The following WNK1 variants were observed in gnomAD, a reference collection of about 807,000 sequenced individuals.
WNK1 encodes the protein serine/threonine-protein kinase WNK1.
Under a neutral mutation model 222.8 loss-of-function variants are expected in WNK1, and 38 were observed. The observed-to-expected ratio is 0.17, with a 90% CI of 0.13 to 0.22. WNK1 has a LOEUF of 0.22. Ranked by LOEUF, WNK1 falls within the 10% of genes least tolerant of loss-of-function variation. The pLI, the probability that WNK1 is intolerant of heterozygous loss-of-function variation, is 1.00. For synonymous variants in WNK1, 1,090 were observed against 1,092.9 expected (o/e 1.00, Z 0.05); for missense variants, 2,348 against 2,918.4 (o/e 0.80, Z 4.50).
intron 2 of WNK1, among the ~76,000 whole-genome samples, chr12:818,257 A>G (rs1270782651): frequency 6.6e-6 from 1 of 152,168 alleles, no homozygotes; most frequent in Non-Finnish European, 1.5e-5. Context: ...AATTAAAAAG[A>G]AATTTTCAGT....
intron 1 of WNK1, among the ~76,000 whole-genome samples, chr12:813,335 C>A (rs1460410896): frequency 6.6e-6 from 1 of 152,170 alleles, no homozygotes. Context: ...TCTTTGCCTC[C>A]AAAGCCTATG....
rs1555164556 is a variant in WNK1, at chr12:908,776, A to G, written c.7133A>G (p.Asn2378Ser). 14 of 1,375,320 alleles carry G rather than the reference A, an allele frequency of 1.0e-5. No homozygotes were observed. Among genetic ancestry groups the G allele is most frequent in the Non-Finnish European group, 1.4e-5 (14 of 1,034,206 alleles). 85.2% of individuals were successfully genotyped at this position (1,375,320 alleles called of 1,614,324 possible). Residue 2378 changes from asparagine to serine, a missense_variant, in exon 28 of 28, where the codon AAC becomes AGC. Physicochemically the swap from Asn to Ser is conservative, Grantham distance 46 (BLOSUM62 1). Transcript: ENST00000315939. The part of the protein sequence containing the change: ...QKSISNPPGS[N>S]LRTT ...TCCATCAGCAACCCCCCAGGCTCCA[A>G]CCTGCGGACCACTTAGACCTAGAGA...
At chr12:841,631 C>CA (rs1193244796) in intron 4 of WNK1, among the ~76,000 whole-genome samples, 4 of 152,060 alleles carry the variant, frequency 2.6e-5, no homozygotes, top group African/African-American at 9.7e-5. Flanking sequence ...GCTGCTATAT[C>CA]AAAAATGCCA....
chr12:885,077 T>C lies in WNK1; in HGVS notation c.4273T>C (p.Ser1425Pro). The change falls in exon 19 of 28, where the codon TCT becomes CCT. Residue 1425 changes from serine to proline, a missense_variant. By Grantham distance (74) the Ser-to-Pro change is moderately conservative (BLOSUM62 -1). Coordinates refer to ENST00000315939, the MANE Select transcript of WNK1 (RefSeq NM_018979.4). ...SITIPAVVSISTTSPSLQVPT... is the reference protein window; with the variant it reads ...SITIPAVVSIPTTSPSLQVPT... ...CACAATACCTGCAGTTGTCTCAATA[T>C]CTACTACATCCCCGTCACTTCAAGT... The C allele has an allele frequency of 6.2e-7, 1 of 1,614,214 alleles. No homozygotes were observed. Among genetic ancestry groups the C allele is most frequent in the Non-Finnish European group, 8.5e-7 (1 of 1,180,030 alleles).
intron 19 of WNK1, 128 bp downstream of exon 19, chr12:886,212 A>C (rs7975948): frequency 1.2e-6 from 1 of 857,374 alleles, no homozygotes; most frequent in African/African-American, 1.7e-5. Context: ...TATAGTATTT[A>C]TTAAATTGAC....
chr12:882,001 G>A lies in WNK1; in HGVS notation c.3300G>A (p.Arg1100=). The change falls in exon 14 of 28, where the codon CGG becomes CGA. Residue 1100 remains arginine, a synonymous_variant. Coordinates refer to ENST00000315939, the MANE Select transcript of WNK1 (RefSeq NM_018979.4). ...SGRHEGRTTK[R]HYRKSVRSRS... is the part of the protein sequence containing the mutation. ...GGCATGAAGGAAGAACTACAAAACGGCATTACCGAAAATCTGTAAGGAGTC... is the reference window on the plus strand; with the variant it reads ...GGCATGAAGGAAGAACTACAAAACGACATTACCGAAAATCTGTAAGGAGTC... The A allele has an allele frequency of 6.2e-7, 1 of 1,614,094 alleles. No individual in the cohort carries two copies.
Position 881,805 on chromosome 12 carries a change from ATTCTCCTTCCTT to A in WNK1, c.3209+17_3209+28del. 6.2e-7 allele frequency: 1 copy of A among 1,614,068 alleles called. No homozygotes were observed. Among genetic ancestry groups the A allele is most frequent in the Non-Finnish European group, 8.5e-7 (1 of 1,179,908 alleles). ...CTGTAGACAGGTACGTAAAACTAGA[ATTCTCCTTCCTT>A]GACTGGTAAATAAGACGGTATGAAA... On this transcript the variant is annotated intron_variant, in intron 13 of 27. Coordinates refer to ENST00000315939, the MANE Select transcript of WNK1 (RefSeq NM_018979.4).
chr12:882,404 G>C (rs1953253241), intron 14 of WNK1, among the ~76,000 whole-genome samples: 3 of 151,870 alleles, frequency 2.0e-5, no homozygotes, highest in Admixed American at 2.0e-4. Context: ...TCACCATATT[G>C]GTCAGGCTGG....
rs891722038 is a variant in WNK1, at chr12:867,968, C to T, written c.2140-3297C>T. On this transcript the variant is annotated intron_variant, in intron 8 of 27. Transcript: ENST00000315939. ...ACGTCCAGTTTCTTTTTCACCACCT[C>T]CCACCTGCCCACCGAAAGTAGCCAT... The T allele has an allele frequency of 6.2e-7, 1 of 1,613,902 alleles. No individual in the cohort carries two copies. The highest frequency in any genetic ancestry group is 8.5e-7 in the Non-Finnish European group (1 of 1,179,896).
At chr12:782,904 T>C (rs1457150308) in intron 1 of WNK1, among the ~76,000 whole-genome samples, 11 of 150,598 alleles carry the variant, frequency 7.3e-5, no homozygotes, top group Admixed American at 7.3e-4. Context: ...CATAGTTTCT[T>C]TTTTTTTTTC....
intron 9 of WNK1, among the ~76,000 whole-genome samples, chr12:873,169 T>G (rs973804638): frequency 1.7e-4 from 26 of 152,370 alleles, no homozygotes; most frequent in African/African-American, 6.3e-4. Flanking sequence ...ACCAATGAAC[T>G]GAGCAAATTG....
intron 4 of WNK1, among the ~76,000 whole-genome samples, chr12:831,953 T>C (rs1433467063): frequency 6.6e-6 from 1 of 152,212 alleles, no homozygotes. Flanking sequence ...GCTCATAGTA[T>C]CTCATTATTT....
chr12:826,356 G>A (rs1948360937), intron 2 of WNK1, among the ~76,000 whole-genome samples: 1 of 152,222 alleles, frequency 6.6e-6, no homozygotes, highest in Admixed American at 6.5e-5. Flanking sequence ...AGACAGCACT[G>A]TTCTTGATGC....
chr12:828,143 C>CA (rs71051393), intron 3 of WNK1, among the ~76,000 whole-genome samples: 21,812 of 137,358 alleles, frequency 0.16, 1,951 homozygotes, highest in Middle Eastern at 0.23. Flanking sequence ...ATTAAAAATA[C>CA]AAAAAAAAAA....
intron 2 of WNK1, among the ~76,000 whole-genome samples, chr12:814,610 C>T (rs1034266236): frequency 3.3e-5 from 5 of 152,070 alleles, no homozygotes; most frequent in African/African-American, 1.2e-4. Flanking sequence ...TTTCCCGTTA[C>T]TTATTGTAAA....
chr12:814,185 C>T (rs1039823062), intron 2 of WNK1, among the ~76,000 whole-genome samples: 2 of 151,962 alleles, frequency 1.3e-5, no homozygotes, highest in Non-Finnish European at 2.9e-5. Flanking sequence ...AAAAATTAGC[C>T]GGGCATGGTG....
At chr12:869,202 A>G (rs769623900) in intron 8 of WNK1, 1 of 1,512,380 alleles carries the variant, frequency 6.6e-7, no homozygotes, top group African/African-American at 1.4e-5. Context: ...TGGATTTTGG[A>G]GAAATATTGT....
chr12:874,166 A>G (rs917045600), intron 9 of WNK1, among the ~76,000 whole-genome samples: 1 of 151,992 alleles, frequency 6.6e-6, no homozygotes, highest in Admixed American at 6.6e-5. Context: ...AAAAAAAAAA[A>G]GCACCGAAGT....
chr12:879,559 C>G lies in WNK1; in HGVS notation c.2374-14C>G. 2.2e-4 allele frequency: 114 copies of G among 509,358 alleles called. No homozygotes were observed. The highest frequency in any genetic ancestry group is 4.1e-4 in the African/African-American group (7 of 17,162). The allele number at this position is 509,358 out of a possible 1,614,324, so 31.6% of individuals were successfully genotyped here. A position where few individuals can be genotyped will look rare whatever the true frequency, so the allele number is the denominator to read the frequency against. Reference sequence around the variant, plus strand: ...TTTTAAGCCTGTCTGTTTTGTTTTTCTTTACCTTCCCAGCTTCCAGTTTCC... The same window carrying G: ...TTTTAAGCCTGTCTGTTTTGTTTTTGTTTACCTTCCCAGCTTCCAGTTTCC... On this transcript the variant is annotated splice_polypyrimidine_tract_variant and intron_variant, in intron 10 of 27. Coordinates refer to ENST00000315939, the MANE Select transcript of WNK1 (RefSeq NM_018979.4).
Sources: gnomAD v4.1 joint callset for allele counts (sites outside exome capture counted in the v4.1 genomes callset) on GRCh38, gnomAD v4.1.1 for gene constraint, MANE v1.5 for transcripts, NCBI Gene and HGNC (gene_info 2026-07-23, HGNC 2026-07-21) for gene names.